The following CSMD3 variants were observed in gnomAD, a reference collection of about 807,000 sequenced individuals.
CSMD3 encodes the protein CUB and Sushi multiple domains 3, also known as CUB and sushi domain-containing protein 3.
Under a neutral mutation model 435.2 loss-of-function variants are expected in CSMD3, and 177 were observed. The observed-to-expected ratio is 0.41, with a 90% CI of 0.36 to 0.46. The LOEUF (loss-of-function observed/expected upper bound fraction) is 0.46. CSMD3 is among the 20% of genes least tolerant of loss of function. CSMD3 has a pLI of 0.34. For synonymous variants in CSMD3, 1,656 were observed against 1,520.5 expected (o/e 1.09, Z -2.07); for missense variants, 4,265 against 4,504.6 (o/e 0.95, Z 1.52).
rs62514427 is a variant in CSMD3 at position 112,357,955 on chromosome 8, T to C, written c.6137-5421A>G. On this transcript the variant is annotated intron_variant, in intron 38 of 70. Transcript: ENST00000297405. ...CACCATCCTCCAGACCCCAGAATGGTTGATCCACTGACAGCTTGAATCATG... is the reference window on the plus strand; with the variant it reads ...CACCATCCTCCAGACCCCAGAATGGCTGATCCACTGACAGCTTGAATCATG... Among the ~76,000 whole-genome samples the C allele has an allele frequency of 4.7e-3, 716 of 152,210 alleles. 3 individuals carry two copies. Among genetic ancestry groups the C allele is most frequent in the Non-Finnish European group, 7.3e-3 (495 of 67,998 alleles).
chr8:113,352,886 G>A (rs150281487), intron 1 of CSMD3, among the ~76,000 whole-genome samples: 13 of 152,256 alleles, frequency 8.5e-5, no homozygotes, highest in East Asian at 3.9e-4. Context: ...AAAAAGCCAC[G>A]CATTAATATT....
At chr8:112,517,803 G>A (rs1026084036) in intron 27 of CSMD3, among the ~76,000 whole-genome samples, 1 of 152,152 alleles carries the variant, frequency 6.6e-6, no homozygotes, top group Non-Finnish European at 1.5e-5. Context: ...GATCATTCAT[G>A]CATTGCTGGT....
intron 13 of CSMD3, among the ~76,000 whole-genome samples, chr8:112,743,379 A>G (rs2132065055): frequency 6.6e-6 from 1 of 152,028 alleles, no homozygotes; most frequent in South Asian, 2.1e-4. Context: ...GTATTTTCCA[A>G]CCTCTCATAT....
At chr8:112,340,910 G>A (rs1825031746) in intron 42 of CSMD3, among the ~76,000 whole-genome samples, 2 of 152,058 alleles carry the variant, frequency 1.3e-5, no homozygotes, top group South Asian at 4.1e-4. Flanking sequence ...TTTGAGCCTA[G>A]CTCTACTTAC....
At chr8:112,680,316 C>T (rs1341690778) in intron 16 of CSMD3, among the ~76,000 whole-genome samples, 2 of 152,114 alleles carry the variant, frequency 1.3e-5, no homozygotes, top group Admixed American at 6.6e-5. Flanking sequence ...AGAAATGGTG[C>T]CACTGCTCTC....
intron 38 of CSMD3, among the ~76,000 whole-genome samples, chr8:112,373,577 T>C (rs1383919532): frequency 6.6e-6 from 1 of 152,142 alleles, no homozygotes; most frequent in Non-Finnish European, 1.5e-5. Context: ...TTCCAGAGGC[T>C]GTATATCTCA....
At chr8:112,769,466 G>T (rs1334915674) in intron 13 of CSMD3, among the ~76,000 whole-genome samples, 1 of 151,916 alleles carries the variant, frequency 6.6e-6, no homozygotes, top group African/African-American at 2.4e-5. Context: ...TCAGGGATAT[G>T]TAAAAGGTAA....
chr8:112,671,446 C>T (rs112264649), intron 16 of CSMD3, among the ~76,000 whole-genome samples: 3,787 of 152,114 alleles, frequency 0.025, 77 homozygotes, highest in East Asian at 0.073. Flanking sequence ...TCACATTGGC[C>T]AACCTACCCC....
chr8:113,170,433 C>G (rs1378436868), intron 4 of CSMD3, among the ~76,000 whole-genome samples: 3 of 152,108 alleles, frequency 2.0e-5, no homozygotes, highest in African/African-American at 7.2e-5. Flanking sequence ...AAAGGAAAAT[C>G]TGTACTTTCT....
intron 5 of CSMD3, among the ~76,000 whole-genome samples, chr8:113,096,350 G>T (rs1011299712): frequency 2.6e-5 from 4 of 152,050 alleles, no homozygotes; most frequent in African/African-American, 9.7e-5. Context: ...GGTTATTAGA[G>T]ATATTCTTTA....
chr8:112,255,631 A>T (rs2130285088), intron 61 of CSMD3: 1 of 566,662 alleles, frequency 1.8e-6, no homozygotes, highest in Non-Finnish European at 3.1e-6. Flanking sequence ...TTTAAAAATT[A>T]GCTCGATTTC....
intron 35 of CSMD3, among the ~76,000 whole-genome samples, chr8:112,400,251 T>G (rs982628989): frequency 2.8e-4 from 43 of 152,310 alleles, no homozygotes; most frequent in African/African-American, 1.0e-3. Context: ...TCTTGGTTCA[T>G]AGACAGCTAT....
chr8:113,193,635 A>G (rs2092615554), intron 3 of CSMD3, among the ~76,000 whole-genome samples: 1 of 151,468 alleles, frequency 6.6e-6, no homozygotes, highest in African/African-American at 2.4e-5. Flanking sequence ...GTTTCAGGAG[A>G]GAGTAATAGA....
intron 1 of CSMD3, among the ~76,000 whole-genome samples, chr8:113,433,814 C>A (rs192652122): frequency 3.5e-4 from 54 of 152,144 alleles, no homozygotes; most frequent in Non-Finnish European, 5.9e-4. Flanking sequence ...TGGGTGAGAC[C>A]TAAACAGACA....
intron 10 of CSMD3, among the ~76,000 whole-genome samples, chr8:112,917,097 T>G (rs1309386609): frequency 6.6e-6 from 1 of 151,948 alleles, no homozygotes; most frequent in Non-Finnish European, 1.5e-5. Context: ...TTTTATTCTA[T>G]CAACAGTAAT....
chr8:112,456,306 G>C (rs571958912), intron 32 of CSMD3, among the ~76,000 whole-genome samples: 2 of 152,056 alleles, frequency 1.3e-5, no homozygotes, highest in Non-Finnish European at 2.9e-5. Context: ...AGATAACTTG[G>C]TAAGTTTTAG....
At position 112,346,117 on chromosome 8, in the gene CSMD3, A is replaced by G; in HGVS notation, c.6422T>C (p.Ile2141Thr). Residue 2141 changes from isoleucine to threonine, a missense_variant, in exon 41 of 71, where the codon ATA becomes ACA. Coordinates refer to ENST00000297405, the MANE Select transcript of CSMD3 (RefSeq NM_198123.2). ...YPSSLDCTWT[I>T]NLPIGFGVHL... ...CATACCAAAACCTATGGGTAGATTTATTGTCCATGTGCAATCTAAACTGCT... is the reference window on the plus strand; with the variant it reads ...CATACCAAAACCTATGGGTAGATTTGTTGTCCATGTGCAATCTAAACTGCT... The G allele has an allele frequency of 1.3e-6, 2 of 1,598,910 alleles. No individual in the cohort carries two copies. The highest frequency in any genetic ancestry group is 1.7e-6 in the Non-Finnish European group (2 of 1,166,188).
chr8:113,407,570 G>A (rs1588674940), intron 1 of CSMD3, among the ~76,000 whole-genome samples: 1 of 150,938 alleles, frequency 6.6e-6, no homozygotes. Flanking sequence ...ACATATATAT[G>A]TGTGTGTGTG....
chr8:112,333,270 T>TG (rs1181273857), intron 45 of CSMD3, among the ~76,000 whole-genome samples: 1 of 152,136 alleles, frequency 6.6e-6, no homozygotes, highest in Non-Finnish European at 1.5e-5. Context: ...GGGGTTCAAG[T>TG]GATTCTCCTG....
Sources: gnomAD v4.1 joint callset for allele counts (sites outside exome capture counted in the v4.1 genomes callset) on GRCh38, gnomAD v4.1.1 for gene constraint, MANE v1.5 for transcripts, NCBI Gene and HGNC (gene_info 2026-07-23, HGNC 2026-07-21) for gene names.